TRAPPC9: variants seen among roughly 807,000 people sequenced by gnomAD.
TRAPPC9 encodes the protein IKK2 binding protein.
TRAPPC9 carries 83 observed loss-of-function variants against 124.0 expected under a neutral mutation model. That is an observed-to-expected ratio of 0.67 (90% CI 0.56 to 0.80). The LOEUF (loss-of-function observed/expected upper bound fraction) is 0.80, where lower values mean the gene tolerates loss of function less well. Among genes scored for constraint, TRAPPC9 ranks in the 30% least tolerant of loss-of-function variants. TRAPPC9 has a pLI of 0.00. For synonymous variants in TRAPPC9, 638 were observed against 617.5 expected (o/e 1.03, Z -0.49); for missense variants, 1,302 against 1,508.3 (o/e 0.86, Z 2.27).
At chr8:140,011,670 ATTTTTT>A (rs56884853) in intron 18 of TRAPPC9, among the ~76,000 whole-genome samples, 159 of 62,650 alleles carry the variant, frequency 2.5e-3, no homozygotes, top group African/African-American at 8.8e-3. Flanking sequence ...CACCCAGCTA[ATTTTTT>A]TTTTTTTTTT....
chr8:140,329,906 C>T (rs1452322929), intron 9 of TRAPPC9, among the ~76,000 whole-genome samples: 4 of 152,026 alleles, frequency 2.6e-5, no homozygotes, highest in South Asian at 2.1e-4. Context: ...GGTGAAACCC[C>T]GTCTCTACTA....
chr8:140,222,784 A>G (rs2063364859), intron 16 of TRAPPC9, among the ~76,000 whole-genome samples: 1 of 152,234 alleles, frequency 6.6e-6, no homozygotes, highest in Admixed American at 6.5e-5. Context: ...GGCATGCGGG[A>G]GAAGTCTACC....
At chr8:140,322,976 C>T (rs72690689) in intron 9 of TRAPPC9, among the ~76,000 whole-genome samples, 4,630 of 152,318 alleles carry the variant, frequency 0.03, 95 homozygotes, top group Non-Finnish European at 0.051. Flanking sequence ...TATGTTTGTG[C>T]ACTGAGTTGA....
intron 21 of TRAPPC9, among the ~76,000 whole-genome samples, chr8:139,806,650 CCTTGAA>C (rs142918526): frequency 0.015 from 2,267 of 152,308 alleles, 22 homozygotes; most frequent in Non-Finnish European, 0.025. Flanking sequence ...CTGAGTGGCT[CCTTGAA>C]CTGCCTGATA....
intron 15 of TRAPPC9, among the ~76,000 whole-genome samples, chr8:140,256,422 A>C (rs1374097010): frequency 6.6e-6 from 1 of 152,192 alleles, no homozygotes; most frequent in Non-Finnish European, 1.5e-5. Flanking sequence ...GGTTCTGACG[A>C]CATCTTGGCT....
intron 21 of TRAPPC9, among the ~76,000 whole-genome samples, chr8:139,866,198 T>C (rs1219232787): frequency 6.6e-6 from 1 of 152,168 alleles, no homozygotes; most frequent in Non-Finnish European, 1.5e-5. Context: ...GGTTGCAAAA[T>C]GTTCCTTATC....
chr8:139,729,974 G>A lies in TRAPPC9; in HGVS notation c.*1087C>T, dbSNP rs1817722795. ...CAACACAGCCAGAAGCCTGCCCCCA[G>A]AACAGGACTCTTGTGGGTAGTGTAG... On this transcript the variant is annotated 3_prime_UTR_variant, in exon 23 of 23. Transcript: ENST00000438773. 1.3e-5 allele frequency among the ~76,000 whole-genome samples: 2 copies of A among 152,180 alleles called. No individual in the cohort carries two copies.
intron 21 of TRAPPC9, among the ~76,000 whole-genome samples, chr8:139,785,787 C>T (rs979970377): frequency 6.6e-6 from 1 of 151,832 alleles, no homozygotes; most frequent in African/African-American, 2.4e-5. Flanking sequence ...CATTCCTGAT[C>T]TCAAAAGACA....
chr8:139,912,097 T>C (rs1407023610), intron 19 of TRAPPC9, among the ~76,000 whole-genome samples: 3 of 152,202 alleles, frequency 2.0e-5, no homozygotes, highest in South Asian at 4.1e-4. Context: ...TGTTAAACAG[T>C]TGGAAGATAG....
chr8:140,363,818 G>A (rs531265224), intron 8 of TRAPPC9, among the ~76,000 whole-genome samples: 103 of 151,950 alleles, frequency 6.8e-4, no homozygotes, highest in African/African-American at 2.4e-3. Flanking sequence ...GGCTGGTCTC[G>A]AACTCCTGAC....
intron 15 of TRAPPC9, among the ~76,000 whole-genome samples, chr8:140,272,382 T>TGGTGGC (rs1563904498): frequency 2.8e-5 from 3 of 106,366 alleles, no homozygotes; most frequent in South Asian, 2.7e-4. Flanking sequence ...GTGGTGGTGA[T>TGGTGGC]GATGGTGATG....
intron 21 of TRAPPC9, among the ~76,000 whole-genome samples, chr8:139,862,954 C>A (rs767255963): frequency 2.6e-5 from 4 of 152,236 alleles, no homozygotes; most frequent in African/African-American, 4.8e-5. Flanking sequence ...AATCTCCTGG[C>A]ATGTGGCAGA....
intron 15 of TRAPPC9, among the ~76,000 whole-genome samples, chr8:140,269,298 T>C (rs1298655750): frequency 6.6e-6 from 1 of 151,916 alleles, no homozygotes; most frequent in Non-Finnish European, 1.5e-5. Context: ...TCCCAGCACT[T>C]TGGGAGACTG....
At chr8:140,023,832 C>CG (rs1839959128) in intron 18 of TRAPPC9, 105 bp downstream of exon 18, 36 of 1,561,428 alleles carry the variant, frequency 2.3e-5, no homozygotes, top group Non-Finnish European at 3.2e-5. Context: ...CCCCATGGCA[C>CG]GGATCTGACG....
At chr8:140,185,843 G>T (rs1368945943) in intron 17 of TRAPPC9, among the ~76,000 whole-genome samples, 2 of 152,234 alleles carry the variant, frequency 1.3e-5, no homozygotes, top group African/African-American at 4.8e-5. Flanking sequence ...AAGTGCTTAA[G>T]TAGCTTTATA....
At position 140,271,338 on chromosome 8, in the gene TRAPPC9, AT is replaced by A. The variant is rs1324435110; in HGVS notation, c.2278+4319del. ...TTAAAATAAGACACAAATAAACAAC[AT>A]TTTTAAAAGAAAAAATGATTAAATG... On this transcript the variant is annotated intron_variant, in intron 15 of 22. Coordinates refer to ENST00000438773, the MANE Select transcript of TRAPPC9 (RefSeq NM_001160372.4). Among the ~76,000 whole-genome samples, 3 of 152,372 alleles carry A rather than the reference AT, an allele frequency of 2.0e-5. No individual in the cohort carries two copies. In the South Asian group the frequency reaches 6.2e-4, roughly 32 times the overall value.
intron 20 of TRAPPC9, among the ~76,000 whole-genome samples, chr8:139,901,193 T>C (rs1445458978): frequency 2.6e-5 from 4 of 152,012 alleles, no homozygotes; most frequent in Non-Finnish European, 5.9e-5. Context: ...AGTTGGGTCA[T>C]CTCTCCCTGC....
chr8:140,056,203 G>GT (rs1842280192), intron 17 of TRAPPC9, among the ~76,000 whole-genome samples: 1 of 152,020 alleles, frequency 6.6e-6, no homozygotes, highest in Non-Finnish European at 1.5e-5. Context: ...GAGCCCAGGA[G>GT]TTTGAGACCA....
At chr8:139,814,781 A>C (rs1447462097) in intron 21 of TRAPPC9, among the ~76,000 whole-genome samples, 1 of 152,222 alleles carries the variant, frequency 6.6e-6, no homozygotes, top group East Asian at 1.9e-4. Flanking sequence ...AAGGGTTGCT[A>C]TCCTAAAAAA....
Sources: allele counts gnomAD v4.1 joint callset (sites outside exome capture counted in the v4.1 genomes callset), GRCh38; gene constraint gnomAD v4.1.1; transcripts MANE v1.5; gene names NCBI Gene and HGNC (gene_info 2026-07-23, HGNC 2026-07-21).